GALNTL6: variants seen among roughly 807,000 people sequenced by gnomAD.
GALNTL6 encodes the protein polypeptide N-acetylgalactosaminyltransferase-like 6.
In GALNTL6, 46 loss-of-function variants were observed where a neutral mutation model predicts 73.7. The observed-to-expected ratio is 0.62, with a 90% CI of 0.49 to 0.80. GALNTL6 has a LOEUF of 0.80. Ranked by LOEUF, GALNTL6 falls within the 30% of genes least tolerant of loss-of-function variation. GALNTL6 has a pLI of 0.00. For synonymous variants in GALNTL6, 259 were observed against 263.7 expected (o/e 0.98, Z 0.17); for missense variants, 604 against 755.0 (o/e 0.80, Z 2.34).
At chr4:171,938,652 C>T (rs1738427346) in intron 2 of GALNTL6, among the ~76,000 whole-genome samples, 2 of 152,030 alleles carry the variant, frequency 1.3e-5, no homozygotes, top group Admixed American at 1.3e-4. Flanking sequence ...GAAGATAAGA[C>T]ACACTCTTTC....
intron 5 of GALNTL6, among the ~76,000 whole-genome samples, chr4:172,618,903 T>G (rs1189426875): frequency 6.6e-6 from 1 of 152,052 alleles, no homozygotes; most frequent in Non-Finnish European, 1.5e-5. Flanking sequence ...GTTGTATTTT[T>G]AATAAAGACG....
chr4:172,040,365 T>C (rs574795312), intron 2 of GALNTL6, among the ~76,000 whole-genome samples: 32 of 152,258 alleles, frequency 2.1e-4, no homozygotes, highest in African/African-American at 7.2e-4. Context: ...TTTTGTAATA[T>C]GCAAAGAACT....
intron 9 of GALNTL6, among the ~76,000 whole-genome samples, chr4:172,932,647 A>C (rs978446056): frequency 4.6e-5 from 7 of 152,228 alleles, no homozygotes; most frequent in Non-Finnish European, 1.0e-4. Context: ...ATTCACATAT[A>C]CATAATGAGA....
chr4:172,512,719 A>G (rs572095729), intron 5 of GALNTL6, among the ~76,000 whole-genome samples: 1 of 152,260 alleles, frequency 6.6e-6, no homozygotes, highest in Admixed American at 6.5e-5. Context: ...TTAGCTGGAT[A>G]CCAAACTCTT....
At chr4:172,755,165 A>G (rs1387653492) in intron 5 of GALNTL6, among the ~76,000 whole-genome samples, 1 of 152,080 alleles carries the variant, frequency 6.6e-6, no homozygotes, top group Non-Finnish European at 1.5e-5. Flanking sequence ...TCAAGGATTT[A>G]AGGATTGAAT....
At chr4:171,903,500 C>G (rs9760922) in intron 2 of GALNTL6, among the ~76,000 whole-genome samples, 80,184 of 150,868 alleles carry the variant, frequency 0.53, 22,712 homozygotes, top group African/African-American at 0.74. Flanking sequence ...CCCACGCCCA[C>G]GGAGTCTCGC....
chr4:172,725,483 G>A (rs1017338150), intron 5 of GALNTL6, among the ~76,000 whole-genome samples: 5 of 152,016 alleles, frequency 3.3e-5, no homozygotes, highest in African/African-American at 4.8e-5. Flanking sequence ...CAGATATAAG[G>A]GGTTGTAATA....
At chr4:172,721,684 A>T (rs1234685747) in intron 5 of GALNTL6, among the ~76,000 whole-genome samples, 1 of 152,188 alleles carries the variant, frequency 6.6e-6, no homozygotes, top group Non-Finnish European at 1.5e-5. Flanking sequence ...GTTGTCCTGT[A>T]TTCTTTGTCA....
At chr4:172,636,521 G>A (rs1371970650) in intron 5 of GALNTL6, among the ~76,000 whole-genome samples, 1 of 152,148 alleles carries the variant, frequency 6.6e-6, no homozygotes, top group Non-Finnish European at 1.5e-5. Flanking sequence ...GAGGGTCAGG[G>A]CAGAGAAGGC....
intron 7 of GALNTL6, among the ~76,000 whole-genome samples, chr4:172,860,455 C>G (rs1221961499): frequency 6.6e-6 from 1 of 152,032 alleles, no homozygotes. Flanking sequence ...CCTTATTAAT[C>G]TTTATTTCAC....
intron 2 of GALNTL6, among the ~76,000 whole-genome samples, chr4:172,093,772 G>A (rs949426006): frequency 6.6e-5 from 10 of 152,188 alleles, no homozygotes; most frequent in African/African-American, 2.2e-4. Flanking sequence ...CACACTCCTT[G>A]TGAGAAGATT....
chr4:172,384,055 T>G (rs750345401), intron 5 of GALNTL6, among the ~76,000 whole-genome samples: 6 of 152,130 alleles, frequency 3.9e-5, no homozygotes, highest in Non-Finnish European at 5.9e-5. Context: ...TTAGAGATGT[T>G]AATGTATAGT....
At chr4:172,368,066 A>G (rs1027695873) in intron 5 of GALNTL6, among the ~76,000 whole-genome samples, 17 of 152,212 alleles carry the variant, frequency 1.1e-4, no homozygotes, top group Admixed American at 2.0e-4. Context: ...GGGAAATAGT[A>G]TCTATAAATA....
chr4:172,307,397 T>G (rs542805729), intron 3 of GALNTL6, among the ~76,000 whole-genome samples: 2 of 152,352 alleles, frequency 1.3e-5, no homozygotes, highest in South Asian at 4.1e-4. Flanking sequence ...TTCTTGCATT[T>G]GCTTTGGGGT....
At chr4:172,252,501 A>AT (rs200839816) in intron 3 of GALNTL6, among the ~76,000 whole-genome samples, 2,050 of 152,210 alleles carry the variant, frequency 0.013, 45 homozygotes, top group African/African-American at 0.046. Context: ...GGATAGGGAA[A>AT]TTTTTTTGAA....
chr4:172,896,688 C>T (rs1352775104), intron 8 of GALNTL6, among the ~76,000 whole-genome samples: 5 of 152,094 alleles, frequency 3.3e-5, no homozygotes, highest in South Asian at 2.1e-4. Context: ...GCAGGTCCCT[C>T]CACAGATAGG....
chr4:172,577,008 C>T (rs1736980719), intron 5 of GALNTL6, among the ~76,000 whole-genome samples: 1 of 152,128 alleles, frequency 6.6e-6, no homozygotes, highest in African/African-American at 2.4e-5. Context: ...GGAGTTCATC[C>T]TGCCAAACGG....
At chr4:172,467,174 G>A (rs913834951) in intron 5 of GALNTL6, among the ~76,000 whole-genome samples, 3 of 152,150 alleles carry the variant, frequency 2.0e-5, no homozygotes, top group Non-Finnish European at 2.9e-5. Context: ...AGAAAAGGCC[G>A]TGATAATTAA....
chr4:172,877,171 G>A (rs925151359), intron 7 of GALNTL6, among the ~76,000 whole-genome samples: 2 of 152,066 alleles, frequency 1.3e-5, no homozygotes, highest in Non-Finnish European at 2.9e-5. Context: ...AATTCTTTAT[G>A]TATGTTTATC....
Sources: allele counts gnomAD v4.1 joint callset (sites outside exome capture counted in the v4.1 genomes callset), GRCh38; gene constraint gnomAD v4.1.1; transcripts MANE v1.5; gene names NCBI Gene and HGNC (gene_info 2026-07-23, HGNC 2026-07-21).